MARK3: variants seen among roughly 807,000 people sequenced by gnomAD.
MARK3 encodes MAP/microtubule affinity-regulating kinase 3.
Under a neutral mutation model 90.1 loss-of-function variants are expected in MARK3, and 46 were observed. The ratio of observed to expected loss-of-function variants is 0.51; its 90% CI spans 0.40 to 0.65. The LOEUF (loss-of-function observed/expected upper bound fraction) is 0.65. MARK3 is among the 30% of genes least tolerant of loss of function. The pLI is 0.00. For missense variants in MARK3, 818 were observed against 947.2 expected (o/e 0.86, Z 1.79); for synonymous variants, 321 against 332.6 (o/e 0.97, Z 0.38).
intron 2 of MARK3, among the ~76,000 whole-genome samples, chr14:103,418,417 A>G (rs1359043573): frequency 6.6e-6 from 1 of 152,098 alleles, no homozygotes; most frequent in Admixed American, 6.5e-5. Context: ...TTGTATGAAT[A>G]GGACATGTTT....
At chr14:103,469,916 C>T (rs2093592715) in intron 12 of MARK3, among the ~76,000 whole-genome samples, 1 of 151,884 alleles carries the variant, frequency 6.6e-6, no homozygotes, top group East Asian at 2.0e-4. Context: ...AAAAAATTAC[C>T]TGGGCATGGT....
At chr14:103,420,281 T>C (rs1487258288) in intron 2 of MARK3, among the ~76,000 whole-genome samples, 1 of 152,092 alleles carries the variant, frequency 6.6e-6, no homozygotes, top group African/African-American at 2.4e-5. Flanking sequence ...CAGCCTGGAG[T>C]GCAGTGGTGC....
chr14:103,479,558 T>G (rs1042195592), intron 13 of MARK3, among the ~76,000 whole-genome samples: 3 of 152,048 alleles, frequency 2.0e-5, no homozygotes, highest in Admixed American at 2.0e-4. Context: ...CCTCATGCTT[T>G]TGATTTGCAT....
rs59913493 is a variant in MARK3, at chr14:103,403,326, T to TTG, written c.52-1704_52-1703dup. ...TTACCACACCTTAAATAGTGCCTGG[T>TTG]TGTGTGTGTGTGTGTGTGTGTGTGT... On this transcript the variant is annotated intron_variant, in intron 1 of 17. Coordinates refer to ENST00000429436, the MANE Select transcript of MARK3 (RefSeq NM_001128918.3). 5.6e-3 allele frequency among the ~76,000 whole-genome samples: 773 copies of TTG among 138,526 alleles called. 2 individuals carry two copies. The highest frequency in any genetic ancestry group is 6.8e-3 in the Non-Finnish European group (432 of 63,666). The allele number at this position is 138,526 out of a possible 152,430, so 90.9% of individuals were successfully genotyped here.
intron 3 of MARK3, among the ~76,000 whole-genome samples, chr14:103,430,835 A>G (rs2092560653): frequency 6.6e-6 from 1 of 152,184 alleles, no homozygotes; most frequent in Non-Finnish European, 1.5e-5. Context: ...CATTGAATTA[A>G]TAAACGTTAG....
intron 13 of MARK3, among the ~76,000 whole-genome samples, chr14:103,478,244 G>C (rs1356792610): frequency 6.6e-6 from 1 of 150,386 alleles, no homozygotes; most frequent in Non-Finnish European, 1.5e-5. Flanking sequence ...GCAGTGAGCC[G>C]AGATGGTGCC....
intron 13 of MARK3, among the ~76,000 whole-genome samples, chr14:103,478,423 G>T (rs1264470517): frequency 7.0e-6 from 1 of 142,698 alleles, no homozygotes; most frequent in African/African-American, 2.6e-5. Context: ...CTCTGGATTT[G>T]CCTGTTCTGA....
intron 3 of MARK3, among the ~76,000 whole-genome samples, chr14:103,432,188 G>C (rs1951389): frequency 0.28 from 43,008 of 152,074 alleles, 7,245 homozygotes; most frequent in Non-Finnish European, 0.36. Context: ...TGATACTGCT[G>C]ACCCAGTAGT....
chr14:103,502,938 T>TA lies in MARK3; in HGVS notation c.1974dup (p.Arg659ThrfsTer10). The TA allele has an allele frequency of 2.5e-6, 4 of 1,614,234 alleles. 1 individual carries two copies. Among genetic ancestry groups the TA allele is most frequent in the Non-Finnish European group, 3.4e-6 (4 of 1,180,024 alleles). ...AACAAAGAAGCAAAGCCTCGATCCC[T>TA]ACGCTTCACCTGGAGCATGAAAACC... On this transcript the variant is annotated frameshift_variant, in exon 18 of 18. Coordinates refer to ENST00000429436, the MANE Select transcript of MARK3 (RefSeq NM_001128918.3). LOFTEE classifies it high-confidence loss of function.
At chr14:103,494,800 C>A (rs2075243654) in intron 15 of MARK3, among the ~76,000 whole-genome samples, 1 of 151,982 alleles carries the variant, frequency 6.6e-6, no homozygotes, top group African/African-American at 2.4e-5. Flanking sequence ...TCGCGCCTGG[C>A]TAATTTTTGT....
At chr14:103,453,580 G>C (rs558772117) in intron 5 of MARK3, among the ~76,000 whole-genome samples, 10 of 152,244 alleles carry the variant, frequency 6.6e-5, no homozygotes, top group East Asian at 3.9e-4. Flanking sequence ...TATTAGTTGT[G>C]TATTTTATAC....
At chr14:103,429,586 T>C (rs1595631894) in intron 3 of MARK3, among the ~76,000 whole-genome samples, 1 of 152,308 alleles carries the variant, frequency 6.6e-6, no homozygotes, top group African/African-American at 2.4e-5. Flanking sequence ...AAAATGTTAT[T>C]TCAACAAGTG....
intron 1 of MARK3, among the ~76,000 whole-genome samples, chr14:103,404,643 A>G (rs1021678933): frequency 3.9e-5 from 6 of 152,178 alleles, no homozygotes; most frequent in African/African-American, 1.2e-4. Flanking sequence ...GGGAATCCAG[A>G]TTCTCTATGG....
intron 14 of MARK3, among the ~76,000 whole-genome samples, chr14:103,484,020 C>T (rs1174553042): frequency 6.6e-6 from 1 of 152,138 alleles, no homozygotes; most frequent in Admixed American, 6.6e-5. Flanking sequence ...AATAATGTTG[C>T]TAAACCACCT....
At chr14:103,496,043 T>C (rs1337337759) in intron 15 of MARK3, among the ~76,000 whole-genome samples, 1 of 152,126 alleles carries the variant, frequency 6.6e-6, no homozygotes, top group East Asian at 1.9e-4. Flanking sequence ...AGCAAAACTC[T>C]CTCTCCTTAG....
At chr14:103,393,433 A>C (rs1850650180) in intron 1 of MARK3, among the ~76,000 whole-genome samples, 4 of 152,174 alleles carry the variant, frequency 2.6e-5, no homozygotes. Context: ...GACCTGGACA[A>C]CATGGTGAAA....
At chr14:103,420,446 G>A (rs901659167) in intron 2 of MARK3, among the ~76,000 whole-genome samples, 1 of 152,134 alleles carries the variant, frequency 6.6e-6, no homozygotes, top group Non-Finnish European at 1.5e-5. Context: ...GCTCAGGCTG[G>A]TCTCGAACTC....
At chr14:103,468,314 C>CTTAT in intron 12 of MARK3, 128 bp downstream of exon 12, 1 of 113,840 alleles carries the variant, frequency 8.8e-6, no homozygotes, top group Non-Finnish European at 1.5e-5. Flanking sequence ...TTTCTTTCTT[C>CTTAT]TTTTTTTTTT....
chr14:103,497,559 C>A (rs1179932718), intron 15 of MARK3, among the ~76,000 whole-genome samples: 4 of 152,106 alleles, frequency 2.6e-5, no homozygotes, highest in East Asian at 3.9e-4. Flanking sequence ...AAATAGAATT[C>A]TTCGTGTTTA....
Sources: allele counts gnomAD v4.1 joint callset (sites outside exome capture counted in the v4.1 genomes callset), GRCh38; gene constraint gnomAD v4.1.1; transcripts MANE v1.5; gene names NCBI Gene and HGNC (gene_info 2026-07-23, HGNC 2026-07-21).